GNE: variants seen among roughly 807,000 people sequenced by gnomAD.
GNE encodes the protein glucosamine (UDP-N-acetyl)-2-epimerase/N-acetylmannosamine kinase.
Under a neutral mutation model 61.8 loss-of-function variants are expected in GNE, and 41 were observed. The ratio of observed to expected loss-of-function variants is 0.66; its 90% CI spans 0.52 to 0.86. GNE has a LOEUF of 0.86. GNE is among the 40% of genes least tolerant of loss of function. The pLI is 0.00. For synonymous variants in GNE, 264 were observed against 326.4 expected, an observed-to-expected ratio of 0.81 and a Z score of 2.06; for missense variants, 608 against 909.1, an observed-to-expected ratio of 0.67 and a Z score of 4.26.
rs1375206547 is a variant in GNE, at chr9:36,215,970, C to T, written c.*1395G>A. On this transcript the variant is annotated 3_prime_UTR_variant, in exon 12 of 12. Transcript: ENST00000642385. ...AATCTCCTTTTAAAGGCTCTAAGTC[C>T]CAGTGGCTTCTCAGCTGTCCTAAGA... 2.1e-5 allele frequency: 5 copies of T among 233,432 alleles called. No individual in the cohort carries two copies. In the East Asian group the frequency reaches 5.9e-4, roughly 27 times the overall value. The allele number at this position is 233,432 out of a possible 1,614,324, so 14.5% of individuals were successfully genotyped here.
rs1178690761 is a variant in GNE at position 36,219,855 on chromosome 9, GC to G, written c.1798del (p.Ala600GlnfsTer43). 1 of 1,613,598 alleles carries G rather than the reference GC, an allele frequency of 6.2e-7. No individual in the cohort carries two copies. Among genetic ancestry groups the G allele is most frequent in the Non-Finnish European group, 8.5e-7 (1 of 1,179,860 alleles). On this transcript the variant is annotated frameshift_variant, in exon 10 of 12. Transcript: ENST00000642385. LOFTEE classifies it high-confidence loss of function. ...YASGMALQRE[A>X]KKLHDEDLLL... ...ACACCAACCATCATGGAGCTTTTTT[GC>G]CTCCCTCTGCAAGGCCATTCCAGAG...
intron 9 of GNE, among the ~76,000 whole-genome samples, chr9:36,220,341 T>C (rs1828531440): frequency 1.3e-5 from 2 of 152,158 alleles, no homozygotes; most frequent in African/African-American, 4.8e-5. Flanking sequence ...TGTCCATCTT[T>C]CTGCACCAAG....
At chr9:36,232,345 C>CCCCCCCCCCCA (rs1554660756) in intron 5 of GNE, among the ~76,000 whole-genome samples, 1 of 126,386 alleles carries the variant, frequency 7.9e-6, no homozygotes, top group Non-Finnish European at 1.6e-5. Flanking sequence ...CGCCCCCCCT[C>CCCCCCCCCCCA]CCGACATTCC....
At position 36,216,657 on chromosome 9, in the gene GNE, TTATTATTATTATTATTTA is replaced by T. The variant is rs892817815; in HGVS notation, c.*690_*707del. 8.8e-6 allele frequency: 1 copy of T among 113,288 alleles called. No homozygotes were observed. Among genetic ancestry groups the T allele is most frequent in the Non-Finnish European group, 2.0e-5 (1 of 50,166 alleles). The allele number at this position is 113,288 out of a possible 1,614,324, so 7.0% of individuals were successfully genotyped here. On this transcript the variant is annotated 3_prime_UTR_variant, in exon 12 of 12. Coordinates refer to ENST00000642385, the MANE Select transcript of GNE (RefSeq NM_005476.7). ...GCTGGAAGGATTATTATTATTATTA[TTATTATTATTATTATTTA>T]TTATTATTATTTTTGAGATGGAGTC...
chr9:36,217,190 T>C lies in GNE; in HGVS notation c.*175A>G, dbSNP rs1828353418. ...TCAGAAAGAATAGCATCTACAAAAA[T>C]AGGAGTGGGGAAAGGTGACTCTGGA... On this transcript the variant is annotated 3_prime_UTR_variant, in exon 12 of 12. Coordinates refer to ENST00000642385, the MANE Select transcript of GNE (RefSeq NM_005476.7). 6.2e-6 allele frequency: 4 copies of C among 647,022 alleles called. No homozygotes were observed. The highest frequency in any genetic ancestry group is 1.7e-5 in the South Asian group (1 of 57,256). The allele number at this position is 647,022 out of a possible 1,614,324, so 40.1% of individuals were successfully genotyped here.
intron 1 of GNE, among the ~76,000 whole-genome samples, chr9:36,270,025 G>A (rs561435180): frequency 1.3e-5 from 2 of 152,092 alleles, no homozygotes; most frequent in Non-Finnish European, 2.9e-5. Context: ...GCAGTGGTAT[G>A]GTTGTGGCTC....
rs1248336263 is a variant in GNE, at chr9:36,219,848, C to T, written c.1806G>A (p.Lys602=). 3 of 1,613,878 alleles carry T rather than the reference C, an allele frequency of 1.9e-6. No individual in the cohort carries two copies. Among genetic ancestry groups the T allele is most frequent in the Non-Finnish European group, 2.5e-6 (3 of 1,179,876 alleles). Residue 602 remains lysine (K), a synonymous_variant, in exon 10 of 12, where the codon AAG becomes AAA. Coordinates refer to ENST00000642385, the MANE Select transcript of GNE (RefSeq NM_005476.7). ...GAGAGGGACACCAACCATCATGGAG[C>T]TTTTTTGCCTCCCTCTGCAAGGCCA... is the stretch of plus-strand genomic sequence containing the variant. ...SGMALQREAK[K]LHDEDLLLVE...
chr9:36,215,686 G>C lies in GNE; in HGVS notation c.*1679C>G, dbSNP rs567820407. ...TATGAAGCACCTAGTTCAGAGCCTG[G>C]CACACAGTAGGCACTTAATAAGTGG... On this transcript the variant is annotated 3_prime_UTR_variant, in exon 12 of 12. Transcript: ENST00000642385. The C allele has an allele frequency of 1.3e-5, 2 of 152,476 alleles. No individual in the cohort carries two copies. Among genetic ancestry groups the C allele is most frequent in the African/African-American group, 4.8e-5 (2 of 41,568 alleles). 9.4% of individuals were successfully genotyped at this position (152,476 alleles called of 1,614,324 possible). A position where few individuals can be genotyped will look rare whatever the true frequency, so the allele number is the denominator to read the frequency against.
At chr9:36,238,067 T>C (rs1232355596) in intron 3 of GNE, among the ~76,000 whole-genome samples, 1 of 149,094 alleles carries the variant, frequency 6.7e-6, no homozygotes, top group Admixed American at 6.7e-5. Flanking sequence ...TAGATATATA[T>C]AGATACACAC....
At chr9:36,231,532 T>C (rs1829155462) in intron 5 of GNE, among the ~76,000 whole-genome samples, 1 of 152,198 alleles carries the variant, frequency 6.6e-6, no homozygotes, top group Admixed American at 6.5e-5. Flanking sequence ...TAAGTTCTGA[T>C]GGATGTGAGA....
intron 1 of GNE, among the ~76,000 whole-genome samples, chr9:36,274,764 C>T (rs935314215): frequency 6.6e-6 from 1 of 151,794 alleles, no homozygotes; most frequent in East Asian, 1.9e-4. Flanking sequence ...GCTCTGTCGC[C>T]CAGGCTGGAG....
At chr9:36,221,755 A>AG (rs1164011540) in intron 9 of GNE, among the ~76,000 whole-genome samples, 2 of 151,106 alleles carry the variant, frequency 1.3e-5, no homozygotes, top group African/African-American at 4.9e-5. Flanking sequence ...CCAAGGCAGG[A>AG]GGATCCCTCG....
intron 9 of GNE, among the ~76,000 whole-genome samples, chr9:36,221,020 G>A (rs549277278): frequency 6.6e-6 from 1 of 152,308 alleles, no homozygotes; most frequent in South Asian, 2.1e-4. Context: ...ATGAGCATGA[G>A]CTAAAGTACA....
intron 1 of GNE, among the ~76,000 whole-genome samples, chr9:36,275,970 C>T (rs943094103): frequency 6.6e-6 from 1 of 151,984 alleles, no homozygotes; most frequent in South Asian, 2.1e-4. Flanking sequence ...CCCAGGAGTT[C>T]GAGATCAGCC....
At chr9:36,243,697 T>C (rs908449316) in intron 3 of GNE, among the ~76,000 whole-genome samples, 2 of 152,018 alleles carry the variant, frequency 1.3e-5, no homozygotes, top group African/African-American at 4.8e-5. Flanking sequence ...TTTTAAAAAT[T>C]AGCTGGGCAT....
At chr9:36,239,224 G>C (rs1002824991) in intron 3 of GNE, among the ~76,000 whole-genome samples, 5 of 151,904 alleles carry the variant, frequency 3.3e-5, no homozygotes, top group Non-Finnish European at 7.4e-5. Flanking sequence ...GCTCTTTTTT[G>C]GTTCCACATG....
At chr9:36,223,330 C>T (rs201288705) in intron 8 of GNE, 43 bp downstream of exon 8, 2 of 1,565,206 alleles carry the variant, frequency 1.3e-6, no homozygotes, top group East Asian at 4.5e-5. Context: ...AAATTTTGTA[C>T]ATTAAAATGA....
rs923559091 is a variant in GNE, at chr9:36,218,841, G to A, written c.1817-542C>T. On this transcript the variant is annotated intron_variant, in intron 10 of 11. Coordinates refer to ENST00000642385, the MANE Select transcript of GNE (RefSeq NM_005476.7). The surrounding 1 kb of genome is among the most constrained non-coding windows in gnomAD (Gnocchi z 4.1). Reference sequence around the variant, plus strand: ...AGATGAGACCAGTAGTGCCTCCCCTGGCAGGGTTATTTGAGGAACGGAATG... The same window carrying A: ...AGATGAGACCAGTAGTGCCTCCCCTAGCAGGGTTATTTGAGGAACGGAATG... Among the ~76,000 whole-genome samples, 2 of 152,192 alleles carry A rather than the reference G, an allele frequency of 1.3e-5. No individual in the cohort carries two copies. The highest frequency in any genetic ancestry group is 2.9e-5 in the Non-Finnish European group (2 of 68,036).
rs1563927391 is a variant in GNE at position 36,218,807 on chromosome 9, CT to C, written c.1817-509del. Among the ~76,000 whole-genome samples the C allele has an allele frequency of 6.6e-6, 1 of 152,262 alleles. No individual in the cohort carries two copies. The highest frequency in any genetic ancestry group is 1.5e-5 in the Non-Finnish European group (1 of 68,048). On this transcript the variant is annotated intron_variant, in intron 10 of 11. Transcript: ENST00000642385. This position sits in a 1 kb window ranked among gnomAD's most constrained non-coding sequence, Gnocchi z 4.1. ...GTCACCTCACCTGTACACATTCCTC[CT>C]TCCTAGAAGATGAGACCAGTAGTGC...
Sources: allele counts gnomAD v4.1 joint callset (sites outside exome capture counted in the v4.1 genomes callset), GRCh38; gene constraint gnomAD v4.1.1; non-coding constraint Gnocchi (gnomAD v3.1); transcripts MANE v1.5; gene names NCBI Gene and HGNC (gene_info 2026-07-23, HGNC 2026-07-21).